SH3BP4: variants seen among roughly 807,000 people sequenced by gnomAD.
SH3BP4 encodes the protein SH3 domain-binding protein 4.
Under a neutral mutation model 65.5 loss-of-function variants are expected in SH3BP4, and 33 were observed. That is an observed-to-expected ratio of 0.50 (90% CI 0.38 to 0.67). The LOEUF is 0.67. Among genes scored for constraint, SH3BP4 ranks in the 30% least tolerant of loss-of-function variants. The pLI is 0.00. For missense variants in SH3BP4, 1,134 were observed against 1,261.4 expected (o/e 0.90, Z 1.53); for synonymous variants, 552 against 545.5 (o/e 1.01, Z -0.17).
intron 1 of SH3BP4, among the ~76,000 whole-genome samples, chr2:234,988,281 G>A (rs953177556): frequency 3.9e-5 from 6 of 152,024 alleles, no homozygotes; most frequent in Admixed American, 6.6e-5. Context: ...GGATAGTCTT[G>A]ATCTCCTGAC....
At chr2:235,002,745 C>G (rs1694171903) in intron 2 of SH3BP4, among the ~76,000 whole-genome samples, 1 of 152,140 alleles carries the variant, frequency 6.6e-6, no homozygotes, top group African/African-American at 2.4e-5. Context: ...ACAAGTAAAA[C>G]AAAAAGGGTC....
intron 1 of SH3BP4, among the ~76,000 whole-genome samples, chr2:234,954,999 C>G (rs6752957): frequency 0.65 from 99,355 of 152,016 alleles, 32,826 homozygotes; most frequent in Middle Eastern, 0.77. Flanking sequence ...TTACAACTGG[C>G]CAGCCATGTG....
At chr2:234,956,798 A>T (rs557434104) in intron 1 of SH3BP4, among the ~76,000 whole-genome samples, 1 of 151,812 alleles carries the variant, frequency 6.6e-6, no homozygotes, top group South Asian at 2.1e-4. Context: ...GTTTCAAGTG[A>T]TCCTCCAGCC....
intron 1 of SH3BP4, among the ~76,000 whole-genome samples, chr2:234,988,952 G>T (rs1430405639): frequency 6.6e-6 from 1 of 152,182 alleles, no homozygotes; most frequent in Non-Finnish European, 1.5e-5. Flanking sequence ...ACATCCATCA[G>T]GTGAGATTTC....
In SH3BP4 at chr2:234,952,852, T is replaced by C. The variant is rs1692505320; in HGVS notation, c.-207+682T>C. The C allele has an allele frequency of 6.6e-6, 1 of 151,988 alleles. No homozygotes were observed. Among genetic ancestry groups the C allele is most frequent in the Non-Finnish European group, 1.5e-5 (1 of 68,012 alleles). The allele number at this position is 151,988 out of a possible 1,614,324, so 9.4% of individuals were successfully genotyped here. On this transcript the variant is annotated intron_variant, in intron 1 of 5. Transcript: ENST00000392011. The surrounding 1 kb of genome is among the most constrained non-coding windows in gnomAD (Gnocchi z 6.5). The stretch of plus-strand genomic sequence containing the variant: ...TAGAGGCGCGTTGTTCTCTGAGCGA[T>C]GTTTACCGAGAAGCCCGCTCCGCGG...
rs150345176 is a variant in SH3BP4, at chr2:235,024,560, C to T, written c.-132-10311C>T. On this transcript the variant is annotated intron_variant, in intron 2 of 5. Coordinates refer to ENST00000392011, the MANE Select transcript of SH3BP4 (RefSeq NM_014521.3). The stretch of plus-strand genomic sequence containing the variant: ...AGGAACAGTATTAAACCCTAGAAGC[C>T]GCCTCCCCCTCTCCAGCCTCTTCAG... 3.7e-3 allele frequency among the ~76,000 whole-genome samples: 566 copies of T among 152,158 alleles called. 4 individuals carry two copies. Among genetic ancestry groups the T allele is most frequent in the African/African-American group, 0.013 (525 of 41,494 alleles).
At chr2:235,007,760 G>A (rs79830657) in intron 2 of SH3BP4, among the ~76,000 whole-genome samples, 8,650 of 152,242 alleles carry the variant, frequency 0.057, 808 homozygotes, top group East Asian at 0.44. Flanking sequence ...GCCATCCTGA[G>A]CCCGTGGGGG....
intron 1 of SH3BP4, among the ~76,000 whole-genome samples, chr2:234,972,891 A>G (rs1693040697): frequency 6.6e-6 from 1 of 152,118 alleles, no homozygotes. Context: ...AGCCACCTTT[A>G]CCTTTGCAGA....
chr2:234,998,379 G>A (rs1198655334), intron 2 of SH3BP4, among the ~76,000 whole-genome samples: 1 of 152,218 alleles, frequency 6.6e-6, no homozygotes, highest in African/African-American at 2.4e-5. Context: ...GACAGTTGAA[G>A]GTGCAGTGAA....
At chr2:235,001,256 A>T (rs1694087893) in intron 2 of SH3BP4, among the ~76,000 whole-genome samples, 1 of 152,194 alleles carries the variant, frequency 6.6e-6, no homozygotes, top group Admixed American at 6.5e-5. Context: ...GAAACCCCTG[A>T]AACTGCATGC....
In SH3BP4 at chr2:235,045,816, C is replaced by T. The variant is rs1695840843; in HGVS notation, c.2478+2569C>T. ...AGAGTCACAGCCAGGCCACCCCCTGCCTCTCATTTTTAGCATAGCTTTCGG... is the reference window on the plus strand; with the variant it reads ...AGAGTCACAGCCAGGCCACCCCCTGTCTCTCATTTTTAGCATAGCTTTCGG... On this transcript the variant is annotated intron_variant, in intron 4 of 5. Transcript: ENST00000392011. This position sits in a 1 kb window ranked among gnomAD's most constrained non-coding sequence, Gnocchi z 4.3. 6.6e-6 allele frequency among the ~76,000 whole-genome samples: 1 copy of T among 152,190 alleles called. No homozygotes were observed. Among genetic ancestry groups the T allele is most frequent in the Non-Finnish European group, 1.5e-5 (1 of 68,040 alleles).
intron 1 of SH3BP4, among the ~76,000 whole-genome samples, chr2:234,970,686 T>C (rs1692976030): frequency 6.6e-6 from 1 of 152,246 alleles, no homozygotes; most frequent in South Asian, 2.1e-4. Flanking sequence ...CGCCGCTAAT[T>C]CCAGCTAATT....
At chr2:235,013,641 A>T (rs189722850) in intron 2 of SH3BP4, among the ~76,000 whole-genome samples, 2 of 152,308 alleles carry the variant, frequency 1.3e-5, no homozygotes, top group Admixed American at 1.3e-4. Flanking sequence ...GACTGAGGGT[A>T]AGGGGGTTTT....
Position 235,052,656 on chromosome 2 carries a change from G to T in SH3BP4, c.2573G>T (p.Arg858Leu). Residue 858 changes from arginine to leucine, a missense_variant, in exon 5 of 6, where the codon CGG becomes CTG. By Grantham distance (102) the Arg-to-Leu change is moderately radical. Transcript: ENST00000392011. This position sits in a 1 kb window ranked among gnomAD's most constrained non-coding sequence, Gnocchi z 5.0. The part of the protein sequence containing the change: ...TTAVEVAQRW[R>L]ELAEKLAKVS... ...GCTGTAGAGGTGGCCCAGCGCTGGC[G>T]GGAGCTGGCTGAGAAGCTGGCCAAG... The T allele has an allele frequency of 6.3e-7, 1 of 1,591,516 alleles. No individual in the cohort carries two copies.
intron 2 of SH3BP4, among the ~76,000 whole-genome samples, chr2:235,009,910 T>G (rs7349411): frequency 0.54 from 82,532 of 151,844 alleles, 25,604 homozygotes; most frequent in African/African-American, 0.84. Context: ...CCCAGGACCT[T>G]CCTCTTGCTC....
chr2:235,048,510 T>TG (rs1461399647), intron 4 of SH3BP4, among the ~76,000 whole-genome samples: 1 of 151,794 alleles, frequency 6.6e-6, no homozygotes, highest in East Asian at 1.9e-4. Context: ...TTTTTTTTTT[T>TG]TTGTCTGTAG....
intron 4 of SH3BP4, among the ~76,000 whole-genome samples, chr2:235,050,325 G>A (rs1696008506): frequency 6.6e-6 from 1 of 152,008 alleles, no homozygotes; most frequent in Admixed American, 6.6e-5. Context: ...CACTGTGTTA[G>A]CCAGGATGGT....
chr2:235,055,639 G>T lies in SH3BP4; in HGVS notation c.*1823G>T. On this transcript the variant is annotated 3_prime_UTR_variant, in exon 6 of 6. Coordinates refer to ENST00000392011, the MANE Select transcript of SH3BP4 (RefSeq NM_014521.3). ...CAAAAGTTGCAGTAAATTTTATTTG[G>T]ATATTTTAACCTGTTAAGTGTGTGT... is the stretch of plus-strand genomic sequence containing the variant. 6.6e-6 allele frequency: 1 copy of T among 152,556 alleles called. No homozygotes were observed. The highest frequency in any genetic ancestry group is 6.5e-5 in the Admixed American group (1 of 15,276). 9.5% of individuals were successfully genotyped at this position (152,556 alleles called of 1,614,324 possible).
At chr2:234,993,953 ATCTTTTGTGTTTGT>A (rs1315041627) in intron 1 of SH3BP4, among the ~76,000 whole-genome samples, 1 of 151,752 alleles carries the variant, frequency 6.6e-6, no homozygotes, top group Non-Finnish European at 1.5e-5. Context: ...CTGGTTTCAG[ATCTTTTGTGTTTGT>A]GCATATATTT....
Sources: gnomAD v4.1 joint callset for allele counts (sites outside exome capture counted in the v4.1 genomes callset) on GRCh38, gnomAD v4.1.1 for gene constraint, Gnocchi (gnomAD v3.1) non-coding constraint, MANE v1.5 for transcripts, NCBI Gene and HGNC (gene_info 2026-07-23, HGNC 2026-07-21) for gene names.